The following CUBN variants were observed in gnomAD, a reference collection of about 807,000 sequenced individuals.
CUBN encodes the protein cubilin, also known as 460 kDa receptor.
Under a neutral mutation model 405.3 loss-of-function variants are expected in CUBN, and 282 were observed. That is an observed-to-expected ratio of 0.70 (90% CI 0.63 to 0.77). The LOEUF (loss-of-function observed/expected upper bound fraction) is 0.77, where lower values mean the gene tolerates loss of function less well. CUBN is among the 30% of genes least tolerant of loss of function. CUBN has a pLI of 0.00. For missense variants in CUBN, 4,514 were observed against 4,475.2 expected (o/e 1.01, Z -0.25); for synonymous variants, 1,684 against 1,617.0 (o/e 1.04, Z -0.99).
chr10:16,966,057 A>G (rs1342004594), intron 31 of CUBN: 1 of 464,262 alleles, frequency 2.2e-6, no homozygotes, highest in Non-Finnish European at 4.5e-6. Context: ...TAAGTGAGAT[A>G]TTCACGGTCT....
At chr10:16,952,248 C>A (rs1283291346) in intron 33 of CUBN, 28 bp downstream of exon 33, 1 of 1,509,256 alleles carries the variant, frequency 6.6e-7, no homozygotes, top group African/African-American at 1.4e-5. Flanking sequence ...CTCCTGTGTG[C>A]CTTTTCTTTT....
At chr10:16,962,566 A>C (rs1466558851) in intron 31 of CUBN, among the ~76,000 whole-genome samples, 5 of 152,090 alleles carry the variant, frequency 3.3e-5, no homozygotes, top group Admixed American at 3.3e-4. Context: ...GATTGGTTCT[A>C]ATTAACAGAA....
intron 43 of CUBN, among the ~76,000 whole-genome samples, chr10:16,922,087 A>G (rs1429554972): frequency 6.6e-6 from 1 of 151,940 alleles, no homozygotes; most frequent in Non-Finnish European, 1.5e-5. Flanking sequence ...TATTTTACTT[A>G]TTTATTGTCT....
In CUBN at chr10:17,100,952, T is replaced by C. The variant is rs371944772; in HGVS notation, c.1531-713A>G. ...AAAAATGTGTCCGAATGGATTAGAA[T>C]ACAGACTTCAAATATAGTAATATAA... On this transcript the variant is annotated intron_variant, in intron 13 of 66. Coordinates refer to ENST00000377833, the MANE Select transcript of CUBN (RefSeq NM_001081.4). 4.6e-5 allele frequency among the ~76,000 whole-genome samples: 7 copies of C among 152,300 alleles called. No individual in the cohort carries two copies. The East Asian group carries it at 5.8e-4, about 13-fold the overall frequency.
intron 3 of CUBN, 105 bp from the exon 4 acceptor site, chr10:17,126,904 C>T (rs1303170182): frequency 1.7e-6 from 2 of 1,143,866 alleles, no homozygotes; most frequent in African/African-American, 3.1e-5. Context: ...TAGGGACACA[C>T]TTTGTTCATT....
chr10:16,970,505 G>A (rs1843519898), intron 31 of CUBN, among the ~76,000 whole-genome samples: 2 of 151,948 alleles, frequency 1.3e-5, no homozygotes, highest in South Asian at 4.2e-4. Flanking sequence ...GAACCTGGGA[G>A]GTGGAGGTCG....
At chr10:16,891,717 A>T (rs1841014578) in intron 54 of CUBN, among the ~76,000 whole-genome samples, 1 of 151,720 alleles carries the variant, frequency 6.6e-6, no homozygotes, top group African/African-American at 2.4e-5. Context: ...CTTGGGGGAA[A>T]AAAACCCCAA....
In CUBN at chr10:17,032,768, AC is replaced by A. The variant is rs1255808491; in HGVS notation, c.4017+8264del. Among the ~76,000 whole-genome samples the A allele has an allele frequency of 1.1e-4, 16 of 152,360 alleles. 1 individual carries two copies. Among genetic ancestry groups the A allele is most frequent in the Middle Eastern group, 3.4e-3 (1 of 294 alleles). ...TTTTCCTCAGAATGTTCTATGGAAT[AC>A]AAATGTCCAATAGATGTTCATTAAT... On this transcript the variant is annotated intron_variant, in intron 27 of 66. Transcript: ENST00000377833.
intron 31 of CUBN, among the ~76,000 whole-genome samples, chr10:16,970,345 C>T (rs373813612): frequency 3.3e-5 from 5 of 152,174 alleles, no homozygotes; most frequent in East Asian, 1.9e-4. Context: ...GAGGCCGAGG[C>T]GGGTGGATCA....
rs1841489437 is a variant in CUBN, at chr10:16,904,083, A to T, written c.7945T>A (p.Cys2649Ser). The change falls in exon 51 of 67, where the codon TGT becomes AGT. Residue 2649 changes from cysteine to serine, a missense_variant. Physicochemically the swap from Cys to Ser is moderately radical, Grantham distance 112 (BLOSUM62 -1). Around this residue, in one of 5 missense-constraint regions of CUBN, gnomAD observed 25 missense variants for 48.5 expected, o/e 0.52. Coordinates refer to ENST00000377833, the MANE Select transcript of CUBN (RefSeq NM_001081.4). ...DADGPLMWRL[C>S]GPSKPTLPLV... ...GGCAATGTAGGCTTTGAAGGACCACAAAGTCTCCACATCAGGGGCCCATCA... is the reference window on the plus strand; with the variant it reads ...GGCAATGTAGGCTTTGAAGGACCACTAAGTCTCCACATCAGGGGCCCATCA... 6.2e-7 allele frequency: 1 copy of T among 1,613,844 alleles called. No individual in the cohort carries two copies. The highest frequency in any genetic ancestry group is 2.2e-5 in the East Asian group (1 of 44,858).
chr10:17,027,346 G>T (rs1329130163), intron 27 of CUBN, among the ~76,000 whole-genome samples: 1 of 152,040 alleles, frequency 6.6e-6, no homozygotes, highest in Non-Finnish European at 1.5e-5. Context: ...TAAATAACAT[G>T]GGGAAATAGT....
chr10:16,924,148 C>T (rs1842116827), intron 43 of CUBN, among the ~76,000 whole-genome samples: 1 of 152,124 alleles, frequency 6.6e-6, no homozygotes, highest in African/African-American at 2.4e-5. Context: ...GATGGGCTGA[C>T]GTCTACTCAC....
At chr10:16,985,949 T>C (rs1052541367) in intron 29 of CUBN, among the ~76,000 whole-genome samples, 3 of 152,188 alleles carry the variant, frequency 2.0e-5, no homozygotes, top group African/African-American at 7.2e-5. Context: ...AAGGATAGCC[T>C]AGGCCAGGCC....
intron 60 of CUBN, among the ~76,000 whole-genome samples, chr10:16,845,741 C>CGTGAT (rs1422843125): frequency 6.6e-6 from 1 of 152,176 alleles, no homozygotes; most frequent in Non-Finnish European, 1.5e-5. Context: ...TGGATAGGAA[C>CGTGAT]GTGATGCCTT....
intron 59 of CUBN, among the ~76,000 whole-genome samples, chr10:16,864,657 C>CTTTT (rs58100254): frequency 2.5e-5 from 3 of 121,452 alleles, no homozygotes; most frequent in Non-Finnish European, 3.3e-5. Context: ...TTTTTTCTTT[C>CTTTT]TTTTTTTTTT....
At chr10:16,988,865 C>T (rs973769304) in intron 29 of CUBN, among the ~76,000 whole-genome samples, 1 of 152,060 alleles carries the variant, frequency 6.6e-6, no homozygotes, top group Admixed American at 6.6e-5. Context: ...TCTTTTTGAG[C>T]GTTAGTTTTG....
At chr10:17,025,872 C>T (rs1225408931) in intron 27 of CUBN, among the ~76,000 whole-genome samples, 1 of 152,056 alleles carries the variant, frequency 6.6e-6, no homozygotes, top group Non-Finnish European at 1.5e-5. Context: ...TGGAGATAAG[C>T]ATGCTGTGTG....
At position 17,129,736 on chromosome 10, in the gene CUBN, C is replaced by T; in HGVS notation, c.30G>A (p.Trp10Ter). ...CAAATATTAATAAGGTAAGCAAACT[C>T]CAAAGAAAAGGTAAAGACATGTTCA... MMNMSLPFL[W>*]SLLTLLIFAE... is the part of the protein sequence containing the mutation. Residue 10 changes from tryptophan (W) to a stop codon, truncating the protein, a stop_gained, in exon 1 of 67, where the codon TGG becomes TGA. Transcript: ENST00000377833. LOFTEE classifies it high-confidence loss of function. The T allele has an allele frequency of 6.2e-7, 1 of 1,614,010 alleles. No individual in the cohort carries two copies. The highest frequency in any genetic ancestry group is 8.5e-7 in the Non-Finnish European group (1 of 1,179,966).
rs74407418 is a variant in CUBN at position 16,987,688 on chromosome 10, A to G, written c.4350+2646T>C. Among the ~76,000 whole-genome samples the G allele has an allele frequency of 4.0e-3, 615 of 152,336 alleles. 6 individuals carry two copies. The highest frequency in any genetic ancestry group is 0.014 in the African/African-American group (592 of 41,568). On this transcript the variant is annotated intron_variant, in intron 29 of 66. Transcript: ENST00000377833. Reference sequence around the variant, plus strand: ...AAAGTTTTTAGATCACATGCCCATCATGGGTAACAAACTTTTAAACCCACT... The same window carrying G: ...AAAGTTTTTAGATCACATGCCCATCGTGGGTAACAAACTTTTAAACCCACT...
Sources: gnomAD v4.1 joint callset for allele counts (sites outside exome capture counted in the v4.1 genomes callset) on GRCh38, gnomAD v4.1.1 for gene constraint, gnomAD v4.1.1 regional missense constraint, MANE v1.5 for transcripts, NCBI Gene and HGNC (gene_info 2026-07-23, HGNC 2026-07-21) for gene names.